Variants in MROH9 observed in about 807,000 individuals in gnomAD.
MROH9 encodes the protein maestro heat-like repeat-containing protein family member 9.
Under a neutral mutation model 98.2 loss-of-function variants are expected in MROH9, and 92 were observed. The observed-to-expected ratio is 0.94, with a 90% CI of 0.79 to 1.11. The LOEUF (loss-of-function observed/expected upper bound fraction) is 1.11, where lower values mean the gene tolerates loss of function less well. Among genes scored for constraint, MROH9 ranks in the 50% most tolerant of loss-of-function variants. The probability of loss-of-function intolerance (pLI) is 0.00; values close to 1 mark genes in which losing one functional copy is unlikely to be tolerated. For missense variants in MROH9, 1,057 were observed against 1,014.8 expected, an observed-to-expected ratio of 1.04 and a Z score of -0.57; for synonymous variants, 397 against 368.9, an observed-to-expected ratio of 1.08 and a Z score of -0.87.
intron 20 of MROH9, among the ~76,000 whole-genome samples, chr1:171,053,541 C>T (rs1428167958): frequency 6.6e-6 from 1 of 152,156 alleles, no homozygotes; most frequent in South Asian, 2.1e-4. Context: ...TTTCTACACA[C>T]AATTTCATAC....
intron 20 of MROH9, among the ~76,000 whole-genome samples, chr1:171,051,502 A>C (rs886150737): frequency 2.0e-5 from 3 of 152,184 alleles, no homozygotes; most frequent in African/African-American, 7.2e-5. Context: ...AAAACAAAAC[A>C]TCACATATTC....
chr1:171,036,315 G>A (rs1396690705), intron 20 of MROH9, among the ~76,000 whole-genome samples: 1 of 151,996 alleles, frequency 6.6e-6, no homozygotes, highest in Non-Finnish European at 1.5e-5. Context: ...TCCATGTGCT[G>A]TACTTTTATA....
chr1:170,943,674 T>C (rs114292930), intron 1 of MROH9, among the ~76,000 whole-genome samples: 3,223 of 152,088 alleles, frequency 0.021, 59 homozygotes, highest in Middle Eastern at 0.061. Flanking sequence ...GAGCTAACCT[T>C]AGCCTTTTCC....
Position 170,935,982 on chromosome 1 carries a change from CAAAAAAAAAAAAAAA to C in MROH9, c.-38+407_-38+421del, listed in dbSNP as rs59883013. On this transcript the variant is annotated intron_variant, in intron 1 of 21. Transcript: ENST00000367759. ...ACTCCAGCCTGGCAACAGAGTGAGACAAAAAAAAAAAAAAAAAAAAAAAAAAGAAAAGAAAAAGAA... is the reference window on the plus strand; with the variant it reads ...ACTCCAGCCTGGCAACAGAGTGAGACAAAAAAAAAAAGAAAAGAAAAAGAA... Among the ~76,000 whole-genome samples, 326 of 62,276 alleles carry C rather than the reference CAAAAAAAAAAAAAAA, an allele frequency of 5.2e-3. 1 individual carries two copies. The highest frequency in any genetic ancestry group is 0.016 in the African/African-American group (301 of 19,214). The allele number at this position is 62,276 out of a possible 152,430, so 40.9% of individuals were successfully genotyped here.
intron 20 of MROH9, among the ~76,000 whole-genome samples, chr1:171,044,060 AG>A (rs1653389172): frequency 6.6e-6 from 1 of 152,176 alleles, no homozygotes; most frequent in Admixed American, 6.5e-5. Context: ...TTTAGAGAAA[AG>A]GCTTTCAGTT....
chr1:171,040,349 C>T (rs1170027679), intron 20 of MROH9, among the ~76,000 whole-genome samples: 1 of 152,004 alleles, frequency 6.6e-6, no homozygotes, highest in East Asian at 1.9e-4. Context: ...ACATACCATA[C>T]ATTTGCTAAG....
intron 20 of MROH9, among the ~76,000 whole-genome samples, chr1:171,052,075 T>A (rs1653687324): frequency 6.6e-6 from 1 of 152,214 alleles, no homozygotes. Context: ...TTACTACTTA[T>A]TGATCTGTTC....
intron 3 of MROH9, among the ~76,000 whole-genome samples, chr1:170,956,852 C>T (rs999965333): frequency 1.8e-4 from 27 of 151,990 alleles, no homozygotes; most frequent in Admixed American, 4.6e-4. Context: ...ATTTCTTTCT[C>T]CTGCCTGATT....
chr1:170,941,845 C>A (rs571039394), intron 1 of MROH9, among the ~76,000 whole-genome samples: 1 of 152,282 alleles, frequency 6.6e-6, no homozygotes, highest in Admixed American at 6.5e-5. Context: ...TCTTAAATGA[C>A]AAATTCACTC....
intron 17 of MROH9, among the ~76,000 whole-genome samples, chr1:171,016,875 A>G (rs1392190101): frequency 6.6e-6 from 1 of 152,196 alleles, no homozygotes; most frequent in Non-Finnish European, 1.5e-5. Flanking sequence ...TACATGGTAA[A>G]TATGTTTCAG....
At chr1:170,968,330 C>G (rs1366208912) in intron 7 of MROH9, among the ~76,000 whole-genome samples, 1 of 152,188 alleles carries the variant, frequency 6.6e-6, no homozygotes. Context: ...GAGAATTTTT[C>G]TTTTGCAAAA....
intron 15 of MROH9, among the ~76,000 whole-genome samples, chr1:171,009,933 G>A (rs1317599101): frequency 1.3e-5 from 2 of 152,092 alleles, no homozygotes; most frequent in African/African-American, 4.8e-5. Flanking sequence ...CTAAATAATT[G>A]TAACATTATT....
chr1:171,054,232 T>C (rs890878970), intron 20 of MROH9, among the ~76,000 whole-genome samples: 5 of 152,090 alleles, frequency 3.3e-5, no homozygotes, highest in Non-Finnish European at 7.4e-5. Context: ...TAAAGTAAAA[T>C]ACAGCCAACT....
rs1002982900 is a variant in MROH9, at chr1:171,046,751, C to A, written c.2282-15381C>A. On this transcript the variant is annotated intron_variant, in intron 20 of 21. Coordinates refer to ENST00000367759, the MANE Select transcript of MROH9 (RefSeq NM_001163629.2). ...TGTTTTTTCTGTGTACTTACTATTA[C>A]CAGTGAGTTTTGTGCCTTCAGGTGA... Among the ~76,000 whole-genome samples the A allele has an allele frequency of 4.6e-5, 7 of 152,230 alleles. No homozygotes were observed. In the East Asian group the frequency reaches 9.6e-4, roughly 21 times the overall value.
At chr1:170,953,312 G>A (rs796604214) in intron 3 of MROH9, among the ~76,000 whole-genome samples, 2 of 151,578 alleles carry the variant, frequency 1.3e-5, no homozygotes, top group South Asian at 2.1e-4. Context: ...TTTTCTTAAC[G>A]GTATCTTTTG....
At position 170,956,835 on chromosome 1, in the gene MROH9, G is replaced by A. The variant is rs139280404; in HGVS notation, c.73-1626G>A. ...GTTTGACTTCTTTACAGATTTGGAT[G>A]CCCTTTATTTCTTTCTCCTGCCTGA... On this transcript the variant is annotated intron_variant, in intron 3 of 21. Transcript: ENST00000367759. Among the ~76,000 whole-genome samples the A allele has an allele frequency of 2.3e-3, 352 of 152,008 alleles. 2 individuals are homozygous for A. Among genetic ancestry groups the A allele is most frequent in the African/African-American group, 7.9e-3 (328 of 41,474 alleles).
At chr1:170,982,151 A>G (rs1292400868) in intron 8 of MROH9, among the ~76,000 whole-genome samples, 1 of 152,260 alleles carries the variant, frequency 6.6e-6, no homozygotes, top group Non-Finnish European at 1.5e-5. Flanking sequence ...ATGAATGTTC[A>G]TAACACCATT....
chr1:170,944,979 G>T (rs534044960), intron 1 of MROH9, among the ~76,000 whole-genome samples: 2 of 152,040 alleles, frequency 1.3e-5, no homozygotes, highest in South Asian at 4.2e-4. Context: ...AGTTATCTTT[G>T]AGTTAAAAGG....
chr1:171,044,666 G>T lies in MROH9; in HGVS notation c.2282-17466G>T, dbSNP rs183848974. ...CTTGTTATTGGTCTTTTCAGATTTTGTATTTCTTCCTGGTTCAATCTTGGT... is the reference window on the plus strand; with the variant it reads ...CTTGTTATTGGTCTTTTCAGATTTTTTATTTCTTCCTGGTTCAATCTTGGT... On this transcript the variant is annotated intron_variant, in intron 20 of 21. Transcript: ENST00000367759. 2.6e-5 allele frequency among the ~76,000 whole-genome samples: 4 copies of T among 152,004 alleles called. No homozygotes were observed. In the East Asian group the frequency reaches 7.7e-4, roughly 29 times the overall value.
Sources: gnomAD v4.1 joint callset for allele counts (sites outside exome capture counted in the v4.1 genomes callset) on GRCh38, gnomAD v4.1.1 for gene constraint, MANE v1.5 for transcripts, NCBI Gene and HGNC (gene_info 2026-07-23, HGNC 2026-07-21) for gene names.